Variants in ANKRD6 observed in about 807,000 individuals in gnomAD.
The protein encoded by ANKRD6 is ankyrin repeat domain-containing protein 6.
Under a neutral mutation model 82.3 loss-of-function variants are expected in ANKRD6, and 56 were observed. The observed-to-expected ratio is 0.68, with a 90% CI of 0.55 to 0.85. The LOEUF (loss-of-function observed/expected upper bound fraction) is 0.85, where lower values mean the gene tolerates loss of function less well. Ranked by LOEUF, ANKRD6 falls within the 40% of genes least tolerant of loss-of-function variation. The pLI is 0.00. For missense variants in ANKRD6, 852 were observed against 907.6 expected (o/e 0.94, Z 0.79); for synonymous variants, 347 against 352.1 (o/e 0.99, Z 0.16).
chr6:89,571,139 C>T (rs977758683), intron 2 of ANKRD6, among the ~76,000 whole-genome samples: 6 of 152,140 alleles, frequency 3.9e-5, no homozygotes, highest in Non-Finnish European at 5.9e-5. Context: ...GCAAGCTCCA[C>T]CTCCCGGGTT....
At chr6:89,551,897 A>C (rs1218040362) in intron 1 of ANKRD6, among the ~76,000 whole-genome samples, 1 of 152,232 alleles carries the variant, frequency 6.6e-6, no homozygotes, top group African/African-American at 2.4e-5. Flanking sequence ...TCTGGGCATT[A>C]AAAACACAAT....
intron 1 of ANKRD6, among the ~76,000 whole-genome samples, chr6:89,475,115 A>T (rs1041151739): frequency 2.0e-5 from 3 of 152,210 alleles, no homozygotes; most frequent in African/African-American, 7.2e-5. Context: ...AACCATAAAG[A>T]GGCTCAATAT....
chr6:89,609,172 A>G (rs1387037140), intron 5 of ANKRD6, among the ~76,000 whole-genome samples: 1 of 152,204 alleles, frequency 6.6e-6, no homozygotes, highest in African/African-American at 2.4e-5. Flanking sequence ...CAAAAGCTTG[A>G]GGTCTGAGAG....
At chr6:89,592,031 A>G (rs1795014443) in intron 2 of ANKRD6, among the ~76,000 whole-genome samples, 1 of 152,188 alleles carries the variant, frequency 6.6e-6, no homozygotes, top group Non-Finnish European at 1.5e-5. Flanking sequence ...AGTTTGGAGA[A>G]TGGTGTTCTT....
At chr6:89,613,058 C>T (rs1188820302) in intron 6 of ANKRD6, among the ~76,000 whole-genome samples, 1 of 152,156 alleles carries the variant, frequency 6.6e-6, no homozygotes, top group Non-Finnish European at 1.5e-5. Context: ...TGCCAAGTGG[C>T]CAGTGTTCTC....
At chr6:89,509,149 C>T (rs575461931) in intron 1 of ANKRD6, 1 of 152,308 alleles carries the variant, frequency 6.6e-6, no homozygotes. Context: ...AGTGACCTGC[C>T]TCTCTCCTGG....
rs1782163686 is a variant in ANKRD6, at chr6:89,523,931, G to A, written c.-143-42903G>A. 2.6e-5 allele frequency among the ~76,000 whole-genome samples: 4 copies of A among 152,006 alleles called. No homozygotes were observed. The South Asian group carries it at 6.2e-4, about 24-fold the overall frequency. On this transcript the variant is annotated intron_variant, in intron 1 of 15. Transcript: ENST00000339746. ...CCTCCATCTGATAATGATGCAGTCC[G>A]TTTGGCTACCAAACATGTTCCTATA...
Position 89,433,299 on chromosome 6 carries a change from C to G in ANKRD6, c.-220C>G, listed in dbSNP as rs1242480274. On this transcript the variant is annotated 5_prime_UTR_variant, in exon 1 of 16. Transcript: ENST00000339746. This position sits in a 1 kb window ranked among gnomAD's most constrained non-coding sequence, Gnocchi z 4.3. ...CGCCGGAGCCAGCGGGAGCCAGTCCCCGTCTTCGCCCCTCGCCCCCCACCG... is the reference window on the plus strand; with the variant it reads ...CGCCGGAGCCAGCGGGAGCCAGTCCGCGTCTTCGCCCCTCGCCCCCCACCG... The G allele has an allele frequency of 3.3e-5, 5 of 152,106 alleles. No homozygotes were observed. In the East Asian group the frequency reaches 5.8e-4, roughly 18 times the overall value. The allele number at this position is 152,106 out of a possible 1,614,324, so 9.4% of individuals were successfully genotyped here. A position where few individuals can be genotyped will look rare whatever the true frequency, so the allele number is the denominator to read the frequency against.
chr6:89,479,168 G>A (rs1440129476), intron 1 of ANKRD6, among the ~76,000 whole-genome samples: 5 of 152,196 alleles, frequency 3.3e-5, no homozygotes, highest in African/African-American at 1.2e-4. Context: ...GCGATAAACA[G>A]GGCATCATGG....
intron 1 of ANKRD6, among the ~76,000 whole-genome samples, chr6:89,523,508 C>G (rs552719010): frequency 1.5e-3 from 230 of 152,268 alleles, no homozygotes; most frequent in Admixed American, 4.7e-3. Context: ...GAGGGCAGTT[C>G]TTTATGTGTT....
At chr6:89,584,860 G>GT (rs563653904) in intron 2 of ANKRD6, among the ~76,000 whole-genome samples, 225 of 152,228 alleles carry the variant, frequency 1.5e-3, no homozygotes, top group African/African-American at 5.2e-3. Flanking sequence ...TCAGTTCCTG[G>GT]TGAGTGCTCT....
At chr6:89,475,189 A>G (rs1409049888) in intron 1 of ANKRD6, among the ~76,000 whole-genome samples, 1 of 152,218 alleles carries the variant, frequency 6.6e-6, no homozygotes, top group Non-Finnish European at 1.5e-5. Flanking sequence ...TCTATGTAAA[A>G]CATGAATAGA....
intron 1 of ANKRD6, among the ~76,000 whole-genome samples, chr6:89,479,688 T>C (rs1477158599): frequency 6.6e-6 from 1 of 151,634 alleles, no homozygotes; most frequent in Non-Finnish European, 1.5e-5. Context: ...TAGTTACATA[T>C]GTATACATGT....
intron 1 of ANKRD6, among the ~76,000 whole-genome samples, chr6:89,434,042 T>G (rs1186315023): frequency 2.6e-5 from 4 of 152,174 alleles, no homozygotes; most frequent in Non-Finnish European, 5.9e-5. Flanking sequence ...CAAGAGGGAC[T>G]TGAATGTCTC....
intron 1 of ANKRD6, among the ~76,000 whole-genome samples, chr6:89,486,925 C>T (rs897986621): frequency 6.6e-6 from 1 of 152,334 alleles, no homozygotes; most frequent in Admixed American, 6.5e-5. Context: ...AAAGTCCCAT[C>T]TCCAAATCAC....
At chr6:89,583,159 C>T (rs150927187) in intron 2 of ANKRD6, among the ~76,000 whole-genome samples, 135 of 152,298 alleles carry the variant, frequency 8.9e-4, no homozygotes, top group African/African-American at 3.1e-3. Flanking sequence ...GGTATTTCCC[C>T]CTGAGGTTTC....
In ANKRD6 at chr6:89,597,868, GCA is replaced by G. The variant is rs1796248098; in HGVS notation, c.219+1855_219+1856del. Among the ~76,000 whole-genome samples the G allele has an allele frequency of 2.0e-5, 3 of 152,186 alleles. No individual in the cohort carries two copies. In the South Asian group the frequency reaches 6.2e-4, roughly 32 times the overall value. On this transcript the variant is annotated intron_variant, in intron 3 of 15. Coordinates refer to ENST00000339746, the MANE Select transcript of ANKRD6 (RefSeq NM_001242809.2). ...TAGTTCTGAAGAAATGCATTTGCCAGCAATATGATCCATGCCTGTTCTCTGTG... is the reference window on the plus strand; with the variant it reads ...TAGTTCTGAAGAAATGCATTTGCCAGATATGATCCATGCCTGTTCTCTGTG...
chr6:89,512,783 A>T (rs1254286050), intron 1 of ANKRD6, among the ~76,000 whole-genome samples: 5 of 152,254 alleles, frequency 3.3e-5, no homozygotes, highest in Admixed American at 2.6e-4. Context: ...GATAGATTTC[A>T]TAGCTAATCT....
chr6:89,441,620 CTTTTTTTTTTTTT>C (rs71556522), intron 1 of ANKRD6, among the ~76,000 whole-genome samples: 2 of 80,470 alleles, frequency 2.5e-5, no homozygotes, highest in African/African-American at 5.1e-5. Context: ...CTTTTCTTTC[CTTTTTTTTTTTTT>C]TTTTTTTTTT....
Sources: allele counts gnomAD v4.1 joint callset (sites outside exome capture counted in the v4.1 genomes callset), GRCh38; gene constraint gnomAD v4.1.1; non-coding constraint Gnocchi (gnomAD v3.1); transcripts MANE v1.5; gene names NCBI Gene and HGNC (gene_info 2026-07-23, HGNC 2026-07-21).